Variants in KIAA0586 observed in about 807,000 individuals in gnomAD.
The protein encoded by KIAA0586 is protein TALPID3.
A neutral mutation model predicts 169.8 loss-of-function variants in KIAA0586; 144 were observed. The observed-to-expected ratio is 0.85, with a 90% CI of 0.74 to 0.97. The LOEUF is 0.97. KIAA0586 is among the 50% of genes least tolerant of loss of function. The pLI, the probability that KIAA0586 is intolerant of heterozygous loss-of-function variation, is 0.00. For missense variants in KIAA0586, 1,854 were observed against 1,823.0 expected, an observed-to-expected ratio of 1.02 and a Z score of -0.31; for synonymous variants, 625 against 612.4, an observed-to-expected ratio of 1.02 and a Z score of -0.30.
Position 58,486,194 on chromosome 14 carries a change from C to T in KIAA0586, c.3145-813C>T, listed in dbSNP as rs192884383. Among the ~76,000 whole-genome samples, 801 of 152,268 alleles carry T rather than the reference C, an allele frequency of 5.3e-3. 11 individuals are homozygous for T. The highest frequency in any genetic ancestry group is 0.019 in the African/African-American group (780 of 41,550). On this transcript the variant is annotated intron_variant, in intron 21 of 30. Transcript: ENST00000652326. The stretch of plus-strand genomic sequence containing the variant: ...TTTAGCTCTCACTTATAAATGAGAA[C>T]ATGTGGTATTTGTTTTTTTCTTCCT...
intron 20 of KIAA0586, among the ~76,000 whole-genome samples, chr14:58,480,286 G>A (rs1376964987): frequency 6.7e-6 from 1 of 149,438 alleles, no homozygotes; most frequent in Non-Finnish European, 1.5e-5. Context: ...CATCTCTGAT[G>A]CTTAAACTCT....
intron 4 of KIAA0586, among the ~76,000 whole-genome samples, chr14:58,432,734 A>C (rs2037481630): frequency 6.6e-6 from 1 of 152,098 alleles, no homozygotes; most frequent in South Asian, 2.1e-4. Flanking sequence ...TTATTTATTT[A>C]TTTAGAGATG....
At chr14:58,442,958 GT>G in intron 5 of KIAA0586, 78 bp downstream of exon 5, 1 of 1,038,462 alleles carries the variant, frequency 9.6e-7, no homozygotes. Context: ...TCTATAAATG[GT>G]TGTGTCCAGT....
intron 29 of KIAA0586, 198 bp from the exon 30 acceptor site, chr14:58,539,873 C>T: frequency 2.2e-6 from 1 of 451,634 alleles, no homozygotes. Context: ...AAAGTATTTC[C>T]TATTGATAGT....
chr14:58,489,087 C>G (rs1344617066), intron 24 of KIAA0586, among the ~76,000 whole-genome samples: 1 of 152,036 alleles, frequency 6.6e-6, no homozygotes, highest in Non-Finnish European at 1.5e-5. Flanking sequence ...GAAATAATAT[C>G]ACTATTAATG....
intron 29 of KIAA0586, chr14:58,521,736 C>G: frequency 1.2e-6 from 1 of 830,668 alleles, no homozygotes; most frequent in Non-Finnish European, 2.1e-6. Flanking sequence ...TGAAAAGGAA[C>G]AGGGGAAACA....
At chr14:58,551,307 G>A (rs747382284), downstream of KIAA0586, 2 of 152,080 alleles carry the variant, frequency 1.3e-5, no homozygotes, top group African/African-American at 4.8e-5. Context: ...ATTTCAATAT[G>A]TTTCTTATTG....
chr14:58,462,759 G>A (rs2040431505), intron 14 of KIAA0586, among the ~76,000 whole-genome samples: 1 of 152,132 alleles, frequency 6.6e-6, no homozygotes. Context: ...AGACAAGAAG[G>A]TGTAATTGAC....
chr14:58,458,657 T>G, intron 12 of KIAA0586, 112 bp downstream of exon 12: 1 of 586,764 alleles, frequency 1.7e-6, no homozygotes, highest in South Asian at 2.7e-5. Flanking sequence ...AAAATCCACT[T>G]ATTTTTAATT....
At position 58,459,858 on chromosome 14, in the gene KIAA0586, A is replaced by C. The variant is rs752376158; in HGVS notation, c.1672A>C (p.Thr558Pro). The change falls in exon 13 of 31, where the codon ACA becomes CCA. Residue 558 changes from threonine (T) to proline (P), a missense_variant. Coordinates refer to ENST00000652326, the MANE Select transcript of KIAA0586 (RefSeq NM_001329943.3). Reference protein sequence around the residue: ...SAEIQDELSRTDYEQKRFDQK... With the variant: ...SAEIQDELSRPDYEQKRFDQK... The stretch of plus-strand genomic sequence containing the variant: ...TTATGTTAAGGATGAACTGTCAAGA[A>C]CAGATTATGAACAAAAAAGATTTGA... The C allele has an allele frequency of 6.6e-7, 1 of 1,526,222 alleles. No homozygotes were observed. Among genetic ancestry groups the C allele is most frequent in the South Asian group, 1.2e-5 (1 of 82,418 alleles). 94.5% of individuals were successfully genotyped at this position (1,526,222 alleles called of 1,614,324 possible).
At chr14:58,539,038 C>G (rs1276886402) in intron 29 of KIAA0586, among the ~76,000 whole-genome samples, 2 of 152,140 alleles carry the variant, frequency 1.3e-5, no homozygotes, top group African/African-American at 4.8e-5. Context: ...TCTCAAACTC[C>G]CGAAGTGCTT....
At position 58,442,848 on chromosome 14, in the gene KIAA0586, G is replaced by A. The variant is rs528925110; in HGVS notation, c.553G>A (p.Ala185Thr). The change falls in exon 5 of 31, where the codon GCT becomes ACT. Residue 185 changes from alanine (A) to threonine (T), a missense_variant. By Grantham distance (58) the Ala-to-Thr change is moderately conservative. Coordinates refer to ENST00000652326, the MANE Select transcript of KIAA0586 (RefSeq NM_001329943.3). ...SATTVAAATA[A>T]AIATAAPLIK... ...TACAACCGTGGCTGCAGCAACTGCT[G>A]CTGCCATTGCAACCGCAGCTCCGTT... 3 of 1,608,978 alleles carry A rather than the reference G, an allele frequency of 1.9e-6. No homozygotes were observed. Among genetic ancestry groups the A allele is most frequent in the Non-Finnish European group, 2.5e-6 (3 of 1,178,132 alleles).
chr14:58,459,687 A>G (rs918007418), intron 12 of KIAA0586, among the ~76,000 whole-genome samples, 156 bp from the exon 13 acceptor site: 1 of 152,042 alleles, frequency 6.6e-6, no homozygotes, highest in African/African-American at 2.4e-5. Context: ...TTTGATTTTT[A>G]TATATCCAAT....
intron 18 of KIAA0586, among the ~76,000 whole-genome samples, chr14:58,474,374 TA>T (rs2041449416): frequency 6.6e-6 from 1 of 152,226 alleles, no homozygotes; most frequent in South Asian, 2.1e-4. Flanking sequence ...TGTGATTGCA[TA>T]AAATGAATAT....
At chr14:58,441,197 T>C in intron 4 of KIAA0586, 1 of 299,366 alleles carries the variant, frequency 3.3e-6, no homozygotes, top group South Asian at 2.7e-5. Flanking sequence ...ATTCTTTTTT[T>C]TTTTTTTTTT....
At chr14:58,543,705 G>A (rs2046807276) in intron 30 of KIAA0586, among the ~76,000 whole-genome samples, 1 of 152,156 alleles carries the variant, frequency 6.6e-6, no homozygotes, top group Admixed American at 6.5e-5. Flanking sequence ...ATTTCAGAGT[G>A]AAACTTGGTT....
chr14:58,464,362 T>C (rs918659766), intron 14 of KIAA0586, among the ~76,000 whole-genome samples: 7 of 152,102 alleles, frequency 4.6e-5, no homozygotes, highest in Middle Eastern at 3.2e-3. Context: ...CTTCACATCT[T>C]GGACCTTGGT....
At chr14:58,473,298 T>G (rs1004396995) in intron 18 of KIAA0586, among the ~76,000 whole-genome samples, 1 of 152,132 alleles carries the variant, frequency 6.6e-6, no homozygotes, top group African/African-American at 2.4e-5. Context: ...TGAGACAAGA[T>G]TGACCATAAG....
intron 27 of KIAA0586, among the ~76,000 whole-genome samples, chr14:58,503,607 G>T (rs2043730234): frequency 6.6e-6 from 1 of 152,116 alleles, no homozygotes; most frequent in African/African-American, 2.4e-5. Context: ...GCAAAAACAT[G>T]CAATAAATTA....
Sources: allele counts gnomAD v4.1 joint callset (sites outside exome capture counted in the v4.1 genomes callset), GRCh38; gene constraint gnomAD v4.1.1; transcripts MANE v1.5; gene names NCBI Gene and HGNC (gene_info 2026-07-23, HGNC 2026-07-21).